The following AUTS2 variants were observed in gnomAD, a reference collection of about 807,000 sequenced individuals.
AUTS2 encodes activator of transcription and developmental regulator AUTS2, also known as autism susceptibility gene 2 protein.
In AUTS2, 17 loss-of-function variants were observed where a neutral mutation model predicts 112.4. The observed-to-expected ratio is 0.15, with a 90% CI of 0.10 to 0.23. The LOEUF (loss-of-function observed/expected upper bound fraction) is 0.23, where lower values mean the gene tolerates loss of function less well. AUTS2 is among the 10% of genes least tolerant of loss of function. AUTS2 has a pLI of 1.00. For missense variants in AUTS2, 1,510 were observed against 1,701.6 expected (o/e 0.89, Z 1.98); for synonymous variants, 751 against 702.7 (o/e 1.07, Z -1.09).
chr7:70,545,850 C>A (rs1800752732), intron 5 of AUTS2, among the ~76,000 whole-genome samples: 1 of 152,048 alleles, frequency 6.6e-6, no homozygotes, highest in Admixed American at 6.5e-5. Flanking sequence ...TCCGAGCCTT[C>A]ATAGAAGGAG....
chr7:70,611,595 G>A (rs1804096008), intron 5 of AUTS2, among the ~76,000 whole-genome samples: 1 of 152,198 alleles, frequency 6.6e-6, no homozygotes, highest in East Asian at 1.9e-4. Context: ...ATCCAGTGGG[G>A]AAATGGCTCT....
intron 1 of AUTS2, among the ~76,000 whole-genome samples, chr7:69,788,766 A>G (rs574496879): frequency 1.0e-4 from 15 of 147,024 alleles, no homozygotes; most frequent in African/African-American, 3.8e-4. Context: ...CCTTGAAGCA[A>G]AATTAAAAAA....
intron 1 of AUTS2, among the ~76,000 whole-genome samples, chr7:69,727,284 C>T (rs1279790825): frequency 5.3e-5 from 8 of 152,146 alleles, no homozygotes; most frequent in Admixed American, 2.6e-4. Flanking sequence ...GTCCCTGGCA[C>T]CTCCGTTGAA....
intron 1 of AUTS2, among the ~76,000 whole-genome samples, chr7:69,719,532 G>C (rs1798805365): frequency 6.6e-6 from 1 of 152,156 alleles, no homozygotes; most frequent in South Asian, 2.1e-4. Flanking sequence ...TAATTAGCAG[G>C]AAACCTGTCT....
chr7:70,115,185 T>C (rs181178557), intron 2 of AUTS2, among the ~76,000 whole-genome samples: 1 of 152,164 alleles, frequency 6.6e-6, no homozygotes, highest in Non-Finnish European at 1.5e-5. Context: ...GGTAAAGTCA[T>C]CATTTTCCTT....
At chr7:70,755,453 G>C (rs1789139302) in intron 6 of AUTS2, among the ~76,000 whole-genome samples, 1 of 152,160 alleles carries the variant, frequency 6.6e-6, no homozygotes, top group South Asian at 2.1e-4. Context: ...GATCACTTGA[G>C]GTCAGGAGTT....
intron 4 of AUTS2, among the ~76,000 whole-genome samples, chr7:70,387,298 C>G (rs1472638861): frequency 1.3e-5 from 2 of 152,182 alleles, no homozygotes; most frequent in Non-Finnish European, 2.9e-5. Context: ...GCCCAGTACC[C>G]TTCCCTGACC....
Position 70,126,556 on chromosome 7 carries a change from G to A in AUTS2, c.625-7980G>A, listed in dbSNP as rs377409525. On this transcript the variant is annotated intron_variant, in intron 3 of 18. Coordinates refer to ENST00000342771, the MANE Select transcript of AUTS2 (RefSeq NM_015570.4). The stretch of plus-strand genomic sequence containing the variant: ...GTAACTTGTTTAGATTAGTCACTAG[G>A]GAAGAGTTAAGGGGAATAATTGAAT... Among the ~76,000 whole-genome samples the A allele has an allele frequency of 3.3e-5, 5 of 152,256 alleles. No homozygotes were observed. The East Asian group carries it at 7.7e-4, about 24-fold the overall frequency.
chr7:70,554,011 C>A (rs891867482), intron 5 of AUTS2, among the ~76,000 whole-genome samples: 4 of 149,486 alleles, frequency 2.7e-5, no homozygotes, highest in Non-Finnish European at 4.4e-5. Context: ...ACCTCATGAT[C>A]CACCCACCTC....
intron 5 of AUTS2, among the ~76,000 whole-genome samples, chr7:70,456,664 T>C (rs1284432248): frequency 1.3e-5 from 2 of 152,180 alleles, no homozygotes; most frequent in African/African-American, 2.4e-5. Context: ...TGTCCACCCA[T>C]AGGTGTTCAG....
intron 4 of AUTS2, among the ~76,000 whole-genome samples, chr7:70,198,284 C>T (rs1195654076): frequency 6.7e-6 from 1 of 149,670 alleles, no homozygotes; most frequent in Admixed American, 6.6e-5. Flanking sequence ...CGCAGAGCGC[C>T]TCTCCTCCTC....
At chr7:70,735,390 A>G (rs1787720672) in intron 6 of AUTS2, among the ~76,000 whole-genome samples, 1 of 152,230 alleles carries the variant, frequency 6.6e-6, no homozygotes, top group Non-Finnish European at 1.5e-5. Flanking sequence ...ACAGTCATTC[A>G]GGAGCACGTC....
At chr7:69,762,685 A>G (rs553026142) in intron 1 of AUTS2, among the ~76,000 whole-genome samples, 19 of 152,334 alleles carry the variant, frequency 1.2e-4, no homozygotes, top group African/African-American at 4.1e-4. Context: ...TAAATCAAAC[A>G]ATCAGTTATT....
At chr7:69,687,242 A>G (rs1016894631) in intron 1 of AUTS2, among the ~76,000 whole-genome samples, 4 of 152,250 alleles carry the variant, frequency 2.6e-5, no homozygotes, top group African/African-American at 4.8e-5. Flanking sequence ...TAAGTAATTT[A>G]TATTTAAAAA....
chr7:70,063,183 A>T (rs1438204245), intron 2 of AUTS2, among the ~76,000 whole-genome samples: 1 of 152,052 alleles, frequency 6.6e-6, no homozygotes, highest in Non-Finnish European at 1.5e-5. Flanking sequence ...ATTGGATATG[A>T]TCACCAAAAA....
chr7:69,616,397 C>T (rs1300248897), intron 1 of AUTS2, among the ~76,000 whole-genome samples: 1 of 152,140 alleles, frequency 6.6e-6, no homozygotes, highest in Non-Finnish European at 1.5e-5. Context: ...CTCTTAGAAG[C>T]AATGGGATTA....
intron 6 of AUTS2, among the ~76,000 whole-genome samples, chr7:70,732,120 CAT>C (rs1787446085): frequency 1.3e-5 from 2 of 152,172 alleles, no homozygotes; most frequent in African/African-American, 4.8e-5. Context: ...ATTTCCTAAA[CAT>C]GTGATTAATA....
chr7:70,444,916 GTTCC>G (rs2130977117), intron 5 of AUTS2, among the ~76,000 whole-genome samples: 1 of 152,264 alleles, frequency 6.6e-6, no homozygotes, highest in East Asian at 1.9e-4. Context: ...GGTTTTTGAA[GTTCC>G]TAATTTCCTG....
chr7:70,275,075 C>A (rs1050326148), intron 4 of AUTS2, among the ~76,000 whole-genome samples: 4 of 152,182 alleles, frequency 2.6e-5, no homozygotes, highest in Middle Eastern at 3.4e-3. Flanking sequence ...TTTTGAGTTG[C>A]ATTTTATTCT....
Sources: allele counts gnomAD v4.1 joint callset (sites outside exome capture counted in the v4.1 genomes callset), GRCh38; gene constraint gnomAD v4.1.1; transcripts MANE v1.5; gene names NCBI Gene and HGNC (gene_info 2026-07-23, HGNC 2026-07-21).